The following EME2 variants were observed in gnomAD, a reference collection of about 807,000 sequenced individuals.
EME2 encodes the protein essential meiotic structure-specific endonuclease subunit 2.
EME2 carries 58 observed loss-of-function variants against 41.9 expected under a neutral mutation model. The ratio of observed to expected loss-of-function variants is 1.38; its 90% CI spans 1.12 to 1.72. The LOEUF is 1.72. Ranked by LOEUF, EME2 falls within the 40% of genes most tolerant of loss-of-function variation. The pLI is 0.00. For synonymous variants in EME2, 334 were observed against 239.3 expected (o/e 1.40, Z -3.65); for missense variants, 695 against 541.9 (o/e 1.28, Z -2.81).
Position 1,778,054 on chromosome 16 carries a change from A to G in EME2, c.*1816A>G. 6.2e-7 allele frequency: 1 copy of G among 1,613,100 alleles called. No homozygotes were observed. The highest frequency in any genetic ancestry group is 8.5e-7 in the Non-Finnish European group (1 of 1,179,980). On this transcript the variant is annotated 3_prime_UTR_variant, in exon 8 of 8. Transcript: ENST00000568449. ...GACGTCCCGATGCCCACCATCTAGG[A>G]ACAGGGGCCAGGCAGAGGGCGCGGG...
In EME2 at chr16:1,777,144, T is replaced by G. The variant is rs556287767; in HGVS notation, c.*906T>G. 846 of 1,611,762 alleles carry G rather than the reference T, an allele frequency of 5.2e-4. 13 individuals are homozygous for G. In the South Asian group the frequency reaches 8.8e-3, roughly 17 times the overall value. ...CTCTGGCAGGGCCGAGGCTCGCGAC[T>G]GCTGGGGTGGGCGGAGGTCGCTGCC... On this transcript the variant is annotated 3_prime_UTR_variant, in exon 8 of 8. Transcript: ENST00000568449.
At position 1,775,972 on chromosome 16, in the gene EME2, C is replaced by A. The variant is rs138047300; in HGVS notation, c.955C>A (p.Arg319Ser). Residue 319 changes from arginine (R) to serine (S), a missense_variant, in exon 7 of 8, where the codon CGC (arginine) becomes AGC (serine). Physicochemically the swap from Arg to Ser is moderately radical, Grantham distance 110. Coordinates refer to ENST00000568449, the MANE Select transcript of EME2 (RefSeq NM_001257370.2). ...AGTTGTCACAGCCTTCCCCTCCCCCCGCCTTCTGCAGCAGGTGGGCCCCTG... is the reference window on the plus strand; with the variant it reads ...AGTTGTCACAGCCTTCCCCTCCCCCAGCCTTCTGCAGCAGGTGGGCCCCTG... ...DAVVTAFPSPRLLQQALEACS... is the reference protein window; with the variant it reads ...DAVVTAFPSPSLLQQALEACS... The A allele has an allele frequency of 1.9e-6, 3 of 1,609,136 alleles. 1 individual carries two copies. The highest frequency in any genetic ancestry group is 2.5e-6 in the Non-Finnish European group (3 of 1,179,112).
Position 1,777,803 on chromosome 16 carries a change from A to G in EME2, c.*1565A>G, listed in dbSNP as rs1361302514. 4.3e-6 allele frequency: 7 copies of G among 1,612,780 alleles called. No homozygotes were observed. Among genetic ancestry groups the G allele is most frequent in the Non-Finnish European group, 5.9e-6 (7 of 1,179,926 alleles). The stretch of plus-strand genomic sequence containing the variant: ...TGTGCCGTGCCAGGTGTCCAGGTGC[A>G]CGCCAATGATGGAGCCCTGGCCGAA... On this transcript the variant is annotated 3_prime_UTR_variant, in exon 8 of 8. Transcript: ENST00000568449.
Position 1,775,700 on chromosome 16 carries a change from G to A in EME2, c.779+16G>A. On this transcript the variant is annotated intron_variant, in intron 6 of 7. Transcript: ENST00000568449. ...ATCCCCTCAAGTGCGTGATGCCAAGGCTGAAGGGGGGCAGGATCACCTCAA... is the reference window on the plus strand; with the variant it reads ...ATCCCCTCAAGTGCGTGATGCCAAGACTGAAGGGGGGCAGGATCACCTCAA... 6.2e-7 allele frequency: 1 copy of A among 1,612,896 alleles called. No individual in the cohort carries two copies. Among genetic ancestry groups the A allele is most frequent in the Non-Finnish European group, 8.5e-7 (1 of 1,179,976 alleles).
Position 1,781,300 on chromosome 16 carries a change from G to T in EME2, c.*5062G>T, listed in dbSNP as rs753870497. 2 of 1,612,408 alleles carry T rather than the reference G, an allele frequency of 1.2e-6. No homozygotes were observed. The highest frequency in any genetic ancestry group is 8.5e-7 in the Non-Finnish European group (1 of 1,179,980). On this transcript the variant is annotated 3_prime_UTR_variant, in exon 8 of 8. Transcript: ENST00000568449. ...GTGTTCAGGTAATGTCTGCCTGCCT[G>T]CCTAGGGCATCTCCACACCTTAGGC...
intron 3 of EME2, 63 bp from the exon 4 acceptor site, chr16:1,774,978 G>C (rs2141982363): frequency 7.6e-7 from 1 of 1,309,036 alleles, no homozygotes; most frequent in Non-Finnish European, 1.1e-6. Context: ...CTGTGGCCTG[G>C]TGGCCCATGG....
At position 1,773,073 on chromosome 16, in the gene EME2, C is replaced by G; in HGVS notation, c.-155C>G. 1.4e-6 allele frequency: 2 copies of G among 1,413,504 alleles called. No individual in the cohort carries two copies. Among genetic ancestry groups the G allele is most frequent in the Non-Finnish European group, 1.8e-6 (2 of 1,086,992 alleles). The allele number at this position is 1,413,504 out of a possible 1,614,324, so 87.6% of individuals were successfully genotyped here. A position where few individuals can be genotyped will look rare whatever the true frequency, so the allele number is the denominator to read the frequency against. On this transcript the variant is annotated 5_prime_UTR_variant, in exon 1 of 8. Coordinates refer to ENST00000568449, the MANE Select transcript of EME2 (RefSeq NM_001257370.2). ...TTGCTCCCGCAGGGCGCGCACGCGG[C>G]GGGCCAGCTCCGCGATCAGCCGCGG...
Position 1,778,989 on chromosome 16 carries a change from A to C in EME2, c.*2751A>C. 5.2e-6 allele frequency: 1 copy of C among 190,952 alleles called. No individual in the cohort carries two copies. The allele number at this position is 190,952 out of a possible 1,614,324, so 11.8% of individuals were successfully genotyped here. On this transcript the variant is annotated 3_prime_UTR_variant, in exon 8 of 8. Coordinates refer to ENST00000568449, the MANE Select transcript of EME2 (RefSeq NM_001257370.2). ...GCCCCCAGGCAAGGCCACCACCCCC[A>C]CACCAGGCCCAGCTGCAGCCACCCG...
rs192955623 is a variant in EME2, at chr16:1,778,005, C to T, written c.*1767C>T. The T allele has an allele frequency of 1.5e-4, 238 of 1,613,206 alleles. No homozygotes were observed. Among genetic ancestry groups the T allele is most frequent in the Non-Finnish European group, 1.9e-4 (230 of 1,179,980 alleles). On this transcript the variant is annotated 3_prime_UTR_variant, in exon 8 of 8. Transcript: ENST00000568449. The stretch of plus-strand genomic sequence containing the variant: ...GCCCAGCAGGCTGCAGAACGTGTGG[C>T]GGTATTTGTCCAGGTCCACATCCGA...
Position 1,775,319 on chromosome 16 carries a change from C to T in EME2, c.574C>T (p.Arg192Cys), listed in dbSNP as rs755893525. Residue 192 changes from arginine (R) to cysteine (C), a missense_variant, in exon 5 of 8, where the codon CGC becomes TGC. Arg to Cys is a radical substitution (Grantham distance 180). Coordinates refer to ENST00000568449, the MANE Select transcript of EME2 (RefSeq NM_001257370.2). ...GGAATGGTCACCTCTGCTCAGGTCT[C>T]GCCAGCACGTTTCCCGGGGGACACA... ...VIGLDAYLWSRQHVSRGTQQP... is the reference protein window; with the variant it reads ...VIGLDAYLWSCQHVSRGTQQP... 8.1e-6 allele frequency: 13 copies of T among 1,609,984 alleles called. No homozygotes were observed. The highest frequency in any genetic ancestry group is 4.5e-5 in the East Asian group (2 of 44,880).
At chr16:1,774,767 AAAGCT>A (rs1237995512) in intron 3 of EME2, among the ~76,000 whole-genome samples, 3 of 152,212 alleles carry the variant, frequency 2.0e-5, no homozygotes, top group Non-Finnish European at 4.4e-5. Flanking sequence ...GTGCTAGGTC[AAAGCT>A]AGGCTGGAGT....
chr16:1,778,869 G>T lies in EME2; in HGVS notation c.*2631G>T. The T allele has an allele frequency of 2.5e-6, 1 of 406,648 alleles. No homozygotes were observed. The allele number at this position is 406,648 out of a possible 1,614,324, so 25.2% of individuals were successfully genotyped here. ...GTAGCCAAGGCTGCCTGGCCTCCAA[G>T]TGGTTTCTAGACGGTGGATAAGCCC... On this transcript the variant is annotated 3_prime_UTR_variant, in exon 8 of 8. Coordinates refer to ENST00000568449, the MANE Select transcript of EME2 (RefSeq NM_001257370.2).
chr16:1,779,018 T>C lies in EME2; in HGVS notation c.*2780T>C. 5.6e-6 allele frequency: 1 copy of C among 179,684 alleles called. No individual in the cohort carries two copies. Among genetic ancestry groups the C allele is most frequent in the Non-Finnish European group, 1.2e-5 (1 of 86,106 alleles). 11.1% of individuals were successfully genotyped at this position (179,684 alleles called of 1,614,324 possible). On this transcript the variant is annotated 3_prime_UTR_variant, in exon 8 of 8. Coordinates refer to ENST00000568449, the MANE Select transcript of EME2 (RefSeq NM_001257370.2). ...CAGGCCCAGCTGCAGCCACCCGGCC[T>C]CAGGGCAGTCCCCACCACACTGTGG...
Position 1,777,633 on chromosome 16 carries a change from A to G in EME2, c.*1395A>G. Reference sequence around the variant, plus strand: ...CCACCCCCTGGGACCCTGGGGCCTCAGGCTTCTGGGAGGAACCCTTTCAGA... The same window carrying G: ...CCACCCCCTGGGACCCTGGGGCCTCGGGCTTCTGGGAGGAACCCTTTCAGA... On this transcript the variant is annotated 3_prime_UTR_variant, in exon 8 of 8. Transcript: ENST00000568449. 1 of 1,519,072 alleles carries G rather than the reference A, an allele frequency of 6.6e-7. No individual in the cohort carries two copies. 94.1% of individuals were successfully genotyped at this position (1,519,072 alleles called of 1,614,324 possible).
In EME2 at chr16:1,776,366, A is replaced by T; in HGVS notation, c.*128A>T. 1 of 838,662 alleles carries T rather than the reference A, an allele frequency of 1.2e-6. No homozygotes were observed. Among genetic ancestry groups the T allele is most frequent in the Non-Finnish European group, 1.9e-6 (1 of 530,618 alleles). The allele number at this position is 838,662 out of a possible 1,614,324, so 52.0% of individuals were successfully genotyped here. A position where few individuals can be genotyped will look rare whatever the true frequency, so the allele number is the denominator to read the frequency against. On this transcript the variant is annotated 3_prime_UTR_variant, in exon 8 of 8. Transcript: ENST00000568449. The stretch of plus-strand genomic sequence containing the variant: ...TGGGTTCTCTGGCTGAGCAGGTCTG[A>T]CCTCAGGGGAAGGGTGGGTGGTTGC...
At position 1,775,701 on chromosome 16, in the gene EME2, C is replaced by T; in HGVS notation, c.779+17C>T. On this transcript the variant is annotated intron_variant, in intron 6 of 7. Coordinates refer to ENST00000568449, the MANE Select transcript of EME2 (RefSeq NM_001257370.2). ...TCCCCTCAAGTGCGTGATGCCAAGG[C>T]TGAAGGGGGGCAGGATCACCTCAAG... The T allele has an allele frequency of 6.2e-7, 1 of 1,612,882 alleles. No individual in the cohort carries two copies. The highest frequency in any genetic ancestry group is 8.5e-7 in the Non-Finnish European group (1 of 1,179,962).
In EME2 at chr16:1,781,163, T is replaced by G. The variant is rs7186025; in HGVS notation, c.*4925T>G. 1,165 of 1,530,716 alleles carry G rather than the reference T, an allele frequency of 7.6e-4. 5 individuals are homozygous for G. The African/African-American group carries it at 0.014, about 18-fold the overall frequency. 94.8% of individuals were successfully genotyped at this position (1,530,716 alleles called of 1,614,324 possible). ...AGGTCCTGTCACCCCTGAGGCTGTG[T>G]GTGTCCTTTGCCAAATTAAAGAGTC... On this transcript the variant is annotated 3_prime_UTR_variant, in exon 8 of 8. Transcript: ENST00000568449.
At chr16:1,775,507 T>C in intron 5 of EME2, 62 bp from the exon 6 acceptor site, 2 of 1,598,180 alleles carry the variant, frequency 1.3e-6, no homozygotes, top group Non-Finnish European at 1.7e-6. Context: ...GGGGCAGCTA[T>C]CAGCTGTGTG....
chr16:1,776,260 C>T lies in EME2; in HGVS notation c.*22C>T, dbSNP rs768898432. 5 of 1,610,444 alleles carry T rather than the reference C, an allele frequency of 3.1e-6. No individual in the cohort carries two copies. Among genetic ancestry groups the T allele is most frequent in the East Asian group, 4.5e-5 (2 of 44,890 alleles). On this transcript the variant is annotated 3_prime_UTR_variant, in exon 8 of 8. Coordinates refer to ENST00000568449, the MANE Select transcript of EME2 (RefSeq NM_001257370.2). ...CTGACCACACGTGGGACCACCAGGA[C>T]AGCATGCAGCCTTGGGGACAGACCA...
Sources: allele counts gnomAD v4.1 joint callset (sites outside exome capture counted in the v4.1 genomes callset), GRCh38; gene constraint gnomAD v4.1.1; transcripts MANE v1.5; gene names NCBI Gene and HGNC (gene_info 2026-07-23, HGNC 2026-07-21).